Variants in PDE1A observed in about 807,000 individuals in gnomAD.
PDE1A encodes the protein dual specificity calcium/calmodulin-dependent 3',5'-cyclic nucleotide phosphodiesterase 1A.
A neutral mutation model predicts 61.7 loss-of-function variants in PDE1A; 35 were observed. That is an observed-to-expected ratio of 0.57 (90% confidence interval 0.43 to 0.75). The LOEUF (loss-of-function observed/expected upper bound fraction) is 0.75. Ranked by LOEUF, PDE1A falls within the 30% of genes least tolerant of loss-of-function variation. The pLI is 0.00. For synonymous variants in PDE1A, 232 were observed against 213.2 expected, an observed-to-expected ratio of 1.09 and a Z score of -0.77; for missense variants, 597 against 630.6, an observed-to-expected ratio of 0.95 and a Z score of 0.57.
At chr2:182,680,242 C>A in the PDE1A span, among the ~76,000 whole-genome samples, 2 of 148,888 alleles carry the variant, frequency 1.3e-5, no homozygotes, top group African/African-American at 5.0e-5. Context: ...GAGACAGGGT[C>A]TTGCTCTGTC....
chr2:182,389,650 T>C (rs1471002700), intron 1 of PDE1A, among the ~76,000 whole-genome samples: 2 of 152,336 alleles, frequency 1.3e-5, no homozygotes, highest in East Asian at 3.9e-4. Context: ...TGATGGTTAA[T>C]AGTGTCAACT....
chr2:182,538,492 AT>A, the PDE1A span, among the ~76,000 whole-genome samples: 41 of 151,850 alleles, frequency 2.7e-4, no homozygotes, highest in African/African-American at 9.2e-4. Flanking sequence ...TTTATTGTTT[AT>A]TTTTTCTCCA....
intron 6 of PDE1A, among the ~76,000 whole-genome samples, chr2:182,228,528 T>C (rs1689315690): frequency 6.6e-6 from 1 of 152,150 alleles, no homozygotes; most frequent in Non-Finnish European, 1.5e-5. Flanking sequence ...AAAATTTCTA[T>C]AAAGCTTTTT....
chr2:182,463,102 G>A (rs1432403177), intron 2 of PDE1A, among the ~76,000 whole-genome samples: 3 of 152,024 alleles, frequency 2.0e-5, no homozygotes, highest in Non-Finnish European at 2.9e-5. Context: ...TTAGCCAGGC[G>A]TGATGGCATG....
At chr2:182,481,854 A>G (rs1238700511) in intron 2 of PDE1A, among the ~76,000 whole-genome samples, 1 of 151,946 alleles carries the variant, frequency 6.6e-6, no homozygotes, top group Non-Finnish European at 1.5e-5. Context: ...CTAATCTGAT[A>G]AGAGGCATCT....
chr2:182,659,092 T>G, the PDE1A span, among the ~76,000 whole-genome samples: 3 of 152,176 alleles, frequency 2.0e-5, no homozygotes, highest in Non-Finnish European at 4.4e-5. Context: ...TTACCTGATA[T>G]CGACCCACTT....
At chr2:182,549,621 A>G in the PDE1A span, among the ~76,000 whole-genome samples, 1 of 152,276 alleles carries the variant, frequency 6.6e-6, no homozygotes, top group South Asian at 2.1e-4. Flanking sequence ...ATCATTCACT[A>G]TAAGTAAAGG....
chr2:182,357,228 A>G (rs1040709040), intron 1 of PDE1A, among the ~76,000 whole-genome samples: 1 of 152,122 alleles, frequency 6.6e-6, no homozygotes, highest in African/African-American at 2.4e-5. Context: ...TTCTTAAAAA[A>G]TAAAGATTCA....
At chr2:182,588,814 C>T in the PDE1A span, among the ~76,000 whole-genome samples, 1,028 of 152,056 alleles carry the variant, frequency 6.8e-3, 5 homozygotes, top group Non-Finnish European at 0.012. Flanking sequence ...GAGGCCGAGG[C>T]AGGCGGATCA....
chr2:182,555,745 C>T, the PDE1A span, among the ~76,000 whole-genome samples: 589 of 152,034 alleles, frequency 3.9e-3, 5 homozygotes, highest in African/African-American at 0.013. Context: ...GCAGGCGAAT[C>T]ACCTGAGGTC....
chr2:182,307,603 G>A (rs1559320422), intron 1 of PDE1A, among the ~76,000 whole-genome samples: 1 of 152,078 alleles, frequency 6.6e-6, no homozygotes, highest in Non-Finnish European at 1.5e-5. Flanking sequence ...TGGATCATTA[G>A]GAAAATGAAA....
At chr2:182,484,451 C>G (rs752613290) in intron 2 of PDE1A, among the ~76,000 whole-genome samples, 3 of 151,894 alleles carry the variant, frequency 2.0e-5, no homozygotes, top group Non-Finnish European at 2.9e-5. Flanking sequence ...GATACAGGAA[C>G]AGGCGAAGAC....
chr2:182,556,609 G>A, the PDE1A span, among the ~76,000 whole-genome samples: 4 of 152,154 alleles, frequency 2.6e-5, no homozygotes, highest in Non-Finnish European at 5.9e-5. Flanking sequence ...TGAGTCCAAT[G>A]AGCCCTTTAA....
At chr2:182,295,778 AT>A (rs1237536831) in intron 1 of PDE1A, among the ~76,000 whole-genome samples, 1 of 152,196 alleles carries the variant, frequency 6.6e-6, no homozygotes, top group Non-Finnish European at 1.5e-5. Flanking sequence ...AAAGAAAAAA[AT>A]GTTTGATTTA....
exon 14 of PDE1A, chr2:182,167,955 A>G (rs1691748832): frequency 6.0e-6 from 7 of 1,170,572 alleles, no homozygotes; most frequent in Non-Finnish European, 7.4e-6. Context: ...AAGAAAATTT[A>G]TTGGCACTCG....
At chr2:182,590,839 T>TGAC in the PDE1A span, among the ~76,000 whole-genome samples, 1 of 152,170 alleles carries the variant, frequency 6.6e-6, no homozygotes, top group Non-Finnish European at 1.5e-5. Context: ...CACCCACTAA[T>TGAC]TTGCACTGGA....
At chr2:182,262,599 G>A (rs911775497) in intron 2 of PDE1A, among the ~76,000 whole-genome samples, 1 of 152,042 alleles carries the variant, frequency 6.6e-6, no homozygotes, top group African/African-American at 2.4e-5. Context: ...ATTTCTCCAA[G>A]CTATGCTTTA....
At chr2:182,709,619 A>G in the PDE1A span, among the ~76,000 whole-genome samples, 1 of 152,240 alleles carries the variant, frequency 6.6e-6, no homozygotes, top group Non-Finnish European at 1.5e-5. Context: ...AAGAAGCATG[A>G]ACTAGATCTT....
chr2:182,210,573 T>C (rs1687499430), intron 7 of PDE1A, among the ~76,000 whole-genome samples: 1 of 152,224 alleles, frequency 6.6e-6, no homozygotes, highest in African/African-American at 2.4e-5. Context: ...AGATGTTCTT[T>C]GCAAATATTT....
Sources: allele counts gnomAD v4.1 joint callset (sites outside exome capture counted in the v4.1 genomes callset), GRCh38; gene constraint gnomAD v4.1.1; transcripts MANE v1.5; gene names NCBI Gene and HGNC (gene_info 2026-07-23, HGNC 2026-07-21).